Variants in TNN observed in about 807,000 individuals in gnomAD.
The protein encoded by TNN is tenascin-N.
Under a neutral mutation model 134.4 loss-of-function variants are expected in TNN, and 122 were observed. The ratio of observed to expected loss-of-function variants is 0.91; its 90% CI spans 0.78 to 1.06. The LOEUF is 1.06. Ranked by LOEUF, TNN falls within the 50% of genes least tolerant of loss-of-function variation. The probability of loss-of-function intolerance (pLI) is 0.00; values close to 1 mark genes in which losing one functional copy is unlikely to be tolerated. For missense variants in TNN, 1,739 were observed against 1,699.4 expected (o/e 1.02, Z -0.41); for synonymous variants, 710 against 670.3 (o/e 1.06, Z -0.91).
chr1:175,145,696 T>C (rs187178584), intron 18 of TNN, among the ~76,000 whole-genome samples: 25 of 152,016 alleles, frequency 1.6e-4, no homozygotes, highest in African/African-American at 5.1e-4. Context: ...TCTCTCCACA[T>C]TGGGAGTGTG....
chr1:175,106,948 C>T (rs929438056), intron 9 of TNN, among the ~76,000 whole-genome samples: 1 of 145,980 alleles, frequency 6.9e-6, no homozygotes, highest in African/African-American at 2.5e-5. Flanking sequence ...TGACAGATGC[C>T]CGGTATTTAG....
At position 175,127,026 on chromosome 1, in the gene TNN, C is replaced by T; in HGVS notation, c.2986C>T (p.Pro996Ser). Reference protein sequence around the residue: ...QSGGILTWTPPSAQIHGYILT... With the variant: ...QSGGILTWTPSSAQIHGYILT... Reference sequence around the variant, plus strand: ...TGGTGGCATATTGACCTGGACGCCCCCCTCTGCTCAGATCCACGGCTACAT... The same window carrying T: ...TGGTGGCATATTGACCTGGACGCCCTCCTCTGCTCAGATCCACGGCTACAT... Residue 996 changes from proline (P) to serine (S), a missense_variant, in exon 13 of 19, where the codon CCC (proline) becomes TCC (serine). By Grantham distance (74) the Pro-to-Ser change is moderately conservative. Coordinates refer to ENST00000239462, the MANE Select transcript of TNN (RefSeq NM_022093.2). The T allele has an allele frequency of 1.2e-6, 2 of 1,614,152 alleles. No homozygotes were observed. The highest frequency in any genetic ancestry group is 1.7e-6 in the Non-Finnish European group (2 of 1,180,002).
intron 9 of TNN, among the ~76,000 whole-genome samples, chr1:175,103,572 T>G (rs1209996266): frequency 1.4e-5 from 2 of 145,782 alleles, no homozygotes; most frequent in African/African-American, 5.0e-5. Context: ...TATGCTGTTT[T>G]TTTCTTTACT....
intron 12 of TNN, 65 bp from the exon 13 acceptor site, chr1:175,126,890 T>A: frequency 1.3e-6 from 2 of 1,524,670 alleles, no homozygotes; most frequent in South Asian, 2.5e-5. Context: ...TAAACTGATG[T>A]CTCAAAAATT....
At chr1:175,115,172 A>G (rs369226670) in intron 9 of TNN, among the ~76,000 whole-genome samples, 12 of 152,100 alleles carry the variant, frequency 7.9e-5, no homozygotes, top group East Asian at 7.7e-4. Context: ...CAGCCCTAGG[A>G]CGTGCAGCTG....
chr1:175,123,997 C>T (rs1675449422), intron 12 of TNN, among the ~76,000 whole-genome samples: 1 of 152,314 alleles, frequency 6.6e-6, no homozygotes, highest in East Asian at 1.9e-4. Context: ...TCTTCTGTTT[C>T]CATCTTCCAG....
chr1:175,132,409 T>C (rs1675699217), intron 15 of TNN, among the ~76,000 whole-genome samples: 1 of 152,116 alleles, frequency 6.6e-6, no homozygotes, highest in Non-Finnish European at 1.5e-5. Flanking sequence ...ACTCACGAAA[T>C]GATTGTCGTC....
intron 6 of TNN, among the ~76,000 whole-genome samples, chr1:175,091,589 T>G (rs1459399939): frequency 6.7e-6 from 1 of 150,306 alleles, no homozygotes; most frequent in Non-Finnish European, 1.5e-5. Flanking sequence ...ATTTATTTAT[T>G]TATTTATTTA....
intron 15 of TNN, among the ~76,000 whole-genome samples, chr1:175,129,538 A>G (rs903212398): frequency 1.2e-4 from 18 of 151,140 alleles, no homozygotes; most frequent in African/African-American, 4.4e-4. Flanking sequence ...ATCATCATCT[A>G]GTAATGCCTT....
rs776349849 is a variant in TNN, at chr1:175,080,310, A to G, written c.932A>G (p.Lys311Arg). 6.2e-7 allele frequency: 1 copy of G among 1,614,114 alleles called. No individual in the cohort carries two copies. Residue 311 changes from lysine (K) to arginine (R), a missense_variant, in exon 4 of 19, where the codon AAG (lysine) becomes AGG (arginine). By Grantham distance (26) the Lys-to-Arg change is conservative (BLOSUM62 2). Transcript: ENST00000239462. ...ELSGKQIQVPKEQHSYEILGL... is the reference protein window; with the variant it reads ...ELSGKQIQVPREQHSYEILGL... ...TCTGGGAAGCAGATCCAAGTGCCCAAGGAGCAGCACAGCTATGAGATTCTT... is the reference window on the plus strand; with the variant it reads ...TCTGGGAAGCAGATCCAAGTGCCCAGGGAGCAGCACAGCTATGAGATTCTT...
chr1:175,145,272 G>A (rs1244909435), intron 18 of TNN, among the ~76,000 whole-genome samples: 1 of 151,920 alleles, frequency 6.6e-6, no homozygotes, highest in Non-Finnish European at 1.5e-5. Context: ...ATTTCTTTAG[G>A]CTGAGCATGG....
At chr1:175,084,140 T>G (rs1254629883) in intron 5 of TNN, among the ~76,000 whole-genome samples, 3 of 152,208 alleles carry the variant, frequency 2.0e-5, no homozygotes, top group Non-Finnish European at 4.4e-5. Context: ...ATTCCAGAGC[T>G]CGATCCCAGG....
intron 11 of TNN, among the ~76,000 whole-genome samples, chr1:175,123,047 A>C (rs1427630217): frequency 6.6e-6 from 1 of 152,216 alleles, no homozygotes; most frequent in African/African-American, 2.4e-5. Context: ...CTTGGCTCTC[A>C]AATTCTGTGA....
chr1:175,117,332 C>T lies in TNN; in HGVS notation c.2386+127C>T, dbSNP rs1000250611. Reference sequence around the variant, plus strand: ...ATGGAAGAGTGGGATGGCATCCCTTCATAACAGATTGCACACACCATCCCT... The same window carrying T: ...ATGGAAGAGTGGGATGGCATCCCTTTATAACAGATTGCACACACCATCCCT... On this transcript the variant is annotated intron_variant, in intron 10 of 18. Transcript: ENST00000239462. 7.2e-5 allele frequency: 105 copies of T among 1,465,180 alleles called. No homozygotes were observed. In the East Asian group the frequency reaches 2.4e-3, roughly 34 times the overall value. The allele number at this position is 1,465,180 out of a possible 1,614,324, so 90.8% of individuals were successfully genotyped here.
chr1:175,145,034 G>A (rs1027059531), intron 18 of TNN, among the ~76,000 whole-genome samples: 1 of 152,140 alleles, frequency 6.6e-6, no homozygotes, highest in Non-Finnish European at 1.5e-5. Flanking sequence ...ATGGCGGACA[G>A]AAAGGAGCTC....
chr1:175,099,800 G>A (rs1455743411), intron 9 of TNN, among the ~76,000 whole-genome samples: 1 of 152,146 alleles, frequency 6.6e-6, no homozygotes, highest in Admixed American at 6.5e-5. Flanking sequence ...AGCTGACTCG[G>A]TCATGAAGCA....
chr1:175,106,652 CAGGATAGAT>C (rs1177758340), intron 9 of TNN, among the ~76,000 whole-genome samples: 1 of 146,278 alleles, frequency 6.8e-6, no homozygotes, highest in African/African-American at 2.5e-5. Context: ...GGGCAAGGGT[CAGGATAGAT>C]AGGATAGATA....
At position 175,077,764 on chromosome 1, in the gene TNN, G is replaced by C; in HGVS notation, c.346G>C (p.Glu116Gln). 6.2e-7 allele frequency: 1 copy of C among 1,614,218 alleles called. No individual in the cohort carries two copies. The highest frequency in any genetic ancestry group is 1.1e-5 in the South Asian group (1 of 91,084). ...QDLLARVKKLEEEMVEMKEQC... is the reference protein window; with the variant it reads ...QDLLARVKKLQEEMVEMKEQC... ...CCTCCTGGCCCGGGTGAAGAAGCTGGAGGAAGAGATGGTGGAGATGAAGGA... is the reference window on the plus strand; with the variant it reads ...CCTCCTGGCCCGGGTGAAGAAGCTGCAGGAAGAGATGGTGGAGATGAAGGA... The change falls in exon 2 of 19, where the codon GAG becomes CAG. Residue 116 changes from glutamate (E) to glutamine (Q), a missense_variant. Glu to Gln is a conservative substitution (Grantham distance 29, BLOSUM62 2). Coordinates refer to ENST00000239462, the MANE Select transcript of TNN (RefSeq NM_022093.2).
In TNN at chr1:175,077,364, T is replaced by C. The variant is rs1674064039; in HGVS notation, c.-35-20T>C. The C allele has an allele frequency of 1.3e-6, 2 of 1,533,922 alleles. No homozygotes were observed. The highest frequency in any genetic ancestry group is 1.8e-6 in the Non-Finnish European group (2 of 1,138,970). On this transcript the variant is annotated intron_variant, in intron 1 of 18. Transcript: ENST00000239462. Reference sequence around the variant, plus strand: ...TCAGCACATCTCCGTGGCTTTCTTTTGCAATGTTTCTGAATACAGGCATCC... The same window carrying C: ...TCAGCACATCTCCGTGGCTTTCTTTCGCAATGTTTCTGAATACAGGCATCC...
Sources: gnomAD v4.1 joint callset for allele counts (sites outside exome capture counted in the v4.1 genomes callset) on GRCh38, gnomAD v4.1.1 for gene constraint, MANE v1.5 for transcripts, NCBI Gene and HGNC (gene_info 2026-07-23, HGNC 2026-07-21) for gene names.